DNM3: variants seen among roughly 807,000 people sequenced by gnomAD.
DNM3 encodes the protein dynamin-3.
A neutral mutation model predicts 101.6 loss-of-function variants in DNM3; 47 were observed. The ratio of observed to expected loss-of-function variants is 0.46; its 90% confidence interval spans 0.37 to 0.59. The LOEUF is 0.59. Among genes scored for constraint, DNM3 ranks in the 20% least tolerant of loss-of-function variants. DNM3 has a pLI of 0.00. For missense variants in DNM3, 849 were observed against 1,085.7 expected, an observed-to-expected ratio of 0.78 and a Z score of 3.06; for synonymous variants, 385 against 387.9, an observed-to-expected ratio of 0.99 and a Z score of 0.09.
At position 172,208,453 on chromosome 1, in the gene DNM3, A is replaced by C. The variant is rs538975837; in HGVS notation, c.1660-45120A>C. 9.9e-5 allele frequency among the ~76,000 whole-genome samples: 15 copies of C among 152,206 alleles called. No individual in the cohort carries two copies. The South Asian group carries it at 1.5e-3, about 15-fold the overall frequency. On this transcript the variant is annotated intron_variant, in intron 14 of 20. Coordinates refer to ENST00000627582, the MANE Select transcript of DNM3 (RefSeq NM_015569.5). ...TTAGAGTAAAGCAGGTTTACCCTCC[A>C]TAATGTAGGTGGGGTTTATCAATCA...
intron 2 of DNM3, among the ~76,000 whole-genome samples, chr1:171,965,842 G>C (rs1239461392): frequency 6.6e-6 from 1 of 152,180 alleles, no homozygotes; most frequent in Non-Finnish European, 1.5e-5. Context: ...TGGAGATTAG[G>C]GGGTAGGAGT....
At chr1:172,295,365 A>C (rs149222331) in intron 15 of DNM3, among the ~76,000 whole-genome samples, 174 of 152,314 alleles carry the variant, frequency 1.1e-3, no homozygotes, top group African/African-American at 4.1e-3. Context: ...TAAATGCTTA[A>C]ATATAACAAA....
intron 4 of DNM3, among the ~76,000 whole-genome samples, chr1:172,017,079 T>G (rs1408394622): frequency 6.6e-6 from 1 of 152,218 alleles, no homozygotes; most frequent in African/African-American, 2.4e-5. Context: ...ATGAGACCTG[T>G]AGTCATGTCC....
At chr1:172,252,349 C>G (rs182271251) in intron 14 of DNM3, among the ~76,000 whole-genome samples, 1 of 152,226 alleles carries the variant, frequency 6.6e-6, no homozygotes. Flanking sequence ...CCCTACAATA[C>G]AACATGTTAC....
chr1:172,185,700 A>AAATG (rs2059498247), intron 14 of DNM3, among the ~76,000 whole-genome samples: 2 of 152,278 alleles, frequency 1.3e-5, no homozygotes, highest in Middle Eastern at 3.4e-3. Context: ...GTTCTATTGT[A>AAATG]AATGTATTGC....
At chr1:172,203,251 G>T (rs921008336) in intron 14 of DNM3, among the ~76,000 whole-genome samples, 3 of 152,156 alleles carry the variant, frequency 2.0e-5, no homozygotes, top group African/African-American at 7.2e-5. Context: ...GCCACAAGCT[G>T]CTCTTTCCAG....
At chr1:172,209,161 TTA>T (rs2060425595) in intron 14 of DNM3, among the ~76,000 whole-genome samples, 1 of 151,936 alleles carries the variant, frequency 6.6e-6, no homozygotes, top group African/African-American at 2.4e-5. Flanking sequence ...ACTGATATCC[TTA>T]TAAGAAGAGT....
At chr1:172,069,982 G>A (rs1572368985) in intron 11 of DNM3, among the ~76,000 whole-genome samples, 1 of 152,172 alleles carries the variant, frequency 6.6e-6, no homozygotes, top group South Asian at 2.1e-4. Flanking sequence ...AAGAGGAGCA[G>A]GTGGAGGAGA....
intron 13 of DNM3, among the ~76,000 whole-genome samples, chr1:172,115,517 A>C (rs2055826608): frequency 6.6e-6 from 1 of 152,172 alleles, no homozygotes; most frequent in South Asian, 2.1e-4. Context: ...AAAGGTCTCC[A>C]ATGACTGTTA....
chr1:172,163,247 T>G (rs2058612457), intron 14 of DNM3, among the ~76,000 whole-genome samples: 2 of 150,394 alleles, frequency 1.3e-5, no homozygotes, highest in Non-Finnish European at 3.0e-5. Context: ...TTTTTTGTTT[T>G]TTTTTTTTTT....
At chr1:171,941,960 A>C (rs1304316583) in intron 2 of DNM3, among the ~76,000 whole-genome samples, 5 of 152,196 alleles carry the variant, frequency 3.3e-5, no homozygotes, top group African/African-American at 9.7e-5. Flanking sequence ...TAAGGATGAC[A>C]TACTAAGATT....
chr1:172,208,408 T>C (rs1025195908), intron 14 of DNM3, among the ~76,000 whole-genome samples: 21 of 152,080 alleles, frequency 1.4e-4, no homozygotes, highest in Admixed American at 1.1e-3. Context: ...TAGATTAGAT[T>C]AGCATTTAAA....
chr1:172,401,158 T>C (rs1235645935), intron 20 of DNM3, among the ~76,000 whole-genome samples: 1 of 152,216 alleles, frequency 6.6e-6, no homozygotes, highest in Non-Finnish European at 1.5e-5. Flanking sequence ...CAAGCCTCAA[T>C]CAAAATTTAT....
intron 15 of DNM3, among the ~76,000 whole-genome samples, chr1:172,285,149 C>T (rs964755482): frequency 6.6e-6 from 1 of 152,180 alleles, no homozygotes; most frequent in Non-Finnish European, 1.5e-5. Flanking sequence ...ATGCAAAACA[C>T]AGGCTGCCAC....
At chr1:172,120,492 C>T (rs1183569972) in intron 13 of DNM3, among the ~76,000 whole-genome samples, 1 of 152,146 alleles carries the variant, frequency 6.6e-6, no homozygotes, top group Non-Finnish European at 1.5e-5. Context: ...GAAAGCCTTC[C>T]CATTTCTCTC....
intron 14 of DNM3, among the ~76,000 whole-genome samples, chr1:172,166,023 C>A (rs1301467030): frequency 6.6e-6 from 1 of 152,036 alleles, no homozygotes; most frequent in Non-Finnish European, 1.5e-5. Flanking sequence ...CTTAGAGGGT[C>A]TCTCTTCCGA....
intron 17 of DNM3, among the ~76,000 whole-genome samples, chr1:172,367,516 G>A (rs1201331470): frequency 6.6e-6 from 1 of 151,704 alleles, no homozygotes; most frequent in Non-Finnish European, 1.5e-5. Flanking sequence ...AATAATGAGA[G>A]AGGAAAAACA....
chr1:171,929,956 G>A (rs185757106), intron 2 of DNM3, among the ~76,000 whole-genome samples: 231 of 152,274 alleles, frequency 1.5e-3, no homozygotes, highest in Admixed American at 3.7e-3. Flanking sequence ...AAAGATGGTG[G>A]CCCACCCCTC....
chr1:171,931,942 T>C (rs1164087852), intron 2 of DNM3, among the ~76,000 whole-genome samples: 3 of 152,144 alleles, frequency 2.0e-5, no homozygotes, highest in African/African-American at 7.2e-5. Context: ...AAAATATTTA[T>C]TATTTTTTTA....
Sources: gnomAD v4.1 joint callset for allele counts (sites outside exome capture counted in the v4.1 genomes callset) on GRCh38, gnomAD v4.1.1 for gene constraint, MANE v1.5 for transcripts, NCBI Gene and HGNC (gene_info 2026-07-23, HGNC 2026-07-21) for gene names.